Variants in CSMD1 observed in about 807,000 individuals in gnomAD.
The protein encoded by CSMD1 is CUB and sushi domain-containing protein 1.
CSMD1 carries 213 observed loss-of-function variants against 417.5 expected under a neutral mutation model. That is an observed-to-expected ratio of 0.51 (90% CI 0.46 to 0.57). The LOEUF (loss-of-function observed/expected upper bound fraction) is 0.57, where lower values mean the gene tolerates loss of function less well. Ranked by LOEUF, CSMD1 falls within the 20% of genes least tolerant of loss-of-function variation. CSMD1 has a pLI of 0.00. For missense variants in CSMD1, 6,923 were observed against 4,529.7 expected, an observed-to-expected ratio of 1.53 and a Z score of -15.17; for synonymous variants, 2,862 against 1,736.8, an observed-to-expected ratio of 1.65 and a Z score of -16.11.
In CSMD1 at chr8:3,307,677, C is replaced by G. The variant is rs764596134; in HGVS notation, c.3950+18G>C. 3.1e-6 allele frequency: 5 copies of G among 1,610,460 alleles called. No homozygotes were observed. In the East Asian group the frequency reaches 8.9e-5, roughly 29 times the overall value. On this transcript the variant is annotated intron_variant, in intron 25 of 69. Coordinates refer to ENST00000635120, the MANE Select transcript of CSMD1 (RefSeq NM_033225.6). ...TATCTCTTTTCTCAAATCACTGAAA[C>G]CAAAATAAAACAAGTACCTAATGGT... is the stretch of plus-strand genomic sequence containing the variant.
At chr8:4,686,825 A>G (rs1243868525) in intron 1 of CSMD1, among the ~76,000 whole-genome samples, 3 of 152,246 alleles carry the variant, frequency 2.0e-5, no homozygotes, top group Non-Finnish European at 4.4e-5. Context: ...GAAAGCCTCA[A>G]GATGCAATGA....
chr8:3,347,193 T>C (rs11994328), intron 22 of CSMD1, among the ~76,000 whole-genome samples: 134 of 152,352 alleles, frequency 8.8e-4, no homozygotes, highest in Middle Eastern at 3.4e-3. Context: ...TTGGACAAGA[T>C]AGTATTATAG....
chr8:4,826,112 G>A (rs969971580), intron 1 of CSMD1, among the ~76,000 whole-genome samples: 9 of 152,034 alleles, frequency 5.9e-5, no homozygotes, highest in Non-Finnish European at 1.3e-4. Context: ...ATTACCACAT[G>A]ATTCAGAAAT....
intron 48 of CSMD1, among the ~76,000 whole-genome samples, chr8:3,089,748 CTCTT>C (rs1295171239): frequency 2.1e-5 from 2 of 93,692 alleles, no homozygotes; most frequent in African/African-American, 8.1e-5. Flanking sequence ...CTATCTGCCT[CTCTT>C]TCTCTCTCTC....
chr8:4,414,762 A>G (rs1364052909), intron 3 of CSMD1, among the ~76,000 whole-genome samples: 1 of 152,198 alleles, frequency 6.6e-6, no homozygotes, highest in Non-Finnish European at 1.5e-5. Context: ...TTATCCAAAA[A>G]TATTTTTGAG....
At position 3,603,566 on chromosome 8, in the gene CSMD1, G is replaced by A. The variant is rs112400574; in HGVS notation, c.1097+13144C>T. 4.1e-3 allele frequency among the ~76,000 whole-genome samples: 625 copies of A among 152,260 alleles called. 6 individuals are homozygous for A. The highest frequency in any genetic ancestry group is 0.014 in the African/African-American group (593 of 41,566). ...GTTCAAGAAATAAGATCATGTTTGA[G>A]TTTCAAAAAATAAAAGACAGTTCTT... On this transcript the variant is annotated intron_variant, in intron 8 of 69. Coordinates refer to ENST00000635120, the MANE Select transcript of CSMD1 (RefSeq NM_033225.6).
intron 8 of CSMD1, among the ~76,000 whole-genome samples, chr8:3,604,160 G>T (rs556355957): frequency 6.6e-6 from 1 of 152,168 alleles, no homozygotes; most frequent in East Asian, 1.9e-4. Context: ...TTCTCTCTAC[G>T]GGGCTCAGAA....
At chr8:4,425,307 G>A (rs961489961) in intron 2 of CSMD1, among the ~76,000 whole-genome samples, 10 of 149,910 alleles carry the variant, frequency 6.7e-5, no homozygotes, top group East Asian at 2.0e-4. Flanking sequence ...ATGGACGTAT[G>A]TAGGGAAAAT....
intron 50 of CSMD1, among the ~76,000 whole-genome samples, chr8:3,046,219 G>A (rs554783939): frequency 1.2e-3 from 184 of 152,326 alleles, no homozygotes; most frequent in Non-Finnish European, 2.2e-3. Context: ...GTGAGGCAGC[G>A]GGGGTTTCAG....
intron 21 of CSMD1, 29 bp downstream of exon 21, chr8:3,359,123 G>C: frequency 6.2e-7 from 1 of 1,610,184 alleles, no homozygotes; most frequent in East Asian, 2.2e-5. Flanking sequence ...CCCCATGGAT[G>C]AATGAAATGA....
intron 5 of CSMD1, among the ~76,000 whole-genome samples, chr8:3,975,127 T>C (rs930714090): frequency 6.6e-6 from 1 of 152,230 alleles, no homozygotes; most frequent in African/African-American, 2.4e-5. Context: ...ACTATGCATG[T>C]TTCCATGGAA....
chr8:2,942,192 G>A (rs541867577), intron 69 of CSMD1, among the ~76,000 whole-genome samples: 2 of 152,040 alleles, frequency 1.3e-5, no homozygotes, highest in Non-Finnish European at 2.9e-5. Context: ...GAGGGAGGGA[G>A]AGCATCAAGA....
chr8:4,871,393 C>T (rs182888025), intron 1 of CSMD1, among the ~76,000 whole-genome samples: 38 of 152,148 alleles, frequency 2.5e-4, no homozygotes, highest in Admixed American at 2.2e-3. Context: ...TATTTTCAAC[C>T]TGAATACATT....
intron 2 of CSMD1, among the ~76,000 whole-genome samples, chr8:4,517,025 G>C (rs191735093): frequency 6.6e-6 from 1 of 152,112 alleles, no homozygotes; most frequent in Non-Finnish European, 1.5e-5. Context: ...TTTAAGATTT[G>C]GAAGACTAAT....
intron 5 of CSMD1, among the ~76,000 whole-genome samples, chr8:3,923,745 C>G (rs546991098): frequency 2.6e-5 from 4 of 152,106 alleles, no homozygotes; most frequent in African/African-American, 7.2e-5. Context: ...AAACTTTATA[C>G]CCTTTGACAA....
intron 2 of CSMD1, among the ~76,000 whole-genome samples, chr8:4,450,754 C>T (rs1168051283): frequency 6.6e-6 from 1 of 152,168 alleles, no homozygotes; most frequent in African/African-American, 2.4e-5. Flanking sequence ...AAACAGCGGT[C>T]TCTTCACAAA....
chr8:3,678,168 C>T (rs563434103), intron 7 of CSMD1, among the ~76,000 whole-genome samples: 7 of 152,188 alleles, frequency 4.6e-5, no homozygotes, highest in Admixed American at 6.5e-5. Flanking sequence ...TCACCAGCAA[C>T]AGAACAAAGC....
intron 5 of CSMD1, among the ~76,000 whole-genome samples, chr8:3,859,747 C>G (rs1804566752): frequency 6.6e-6 from 1 of 152,156 alleles, no homozygotes; most frequent in African/African-American, 2.4e-5. Flanking sequence ...GCAGTCTTCC[C>G]TGGCTGACAA....
chr8:4,110,277 T>G (rs750750613), intron 3 of CSMD1, among the ~76,000 whole-genome samples: 2 of 152,128 alleles, frequency 1.3e-5, no homozygotes, highest in Non-Finnish European at 2.9e-5. Flanking sequence ...TGATATACTG[T>G]GAGAAGCAAT....
Sources: allele counts gnomAD v4.1 joint callset (sites outside exome capture counted in the v4.1 genomes callset), GRCh38; gene constraint gnomAD v4.1.1; transcripts MANE v1.5; gene names NCBI Gene and HGNC (gene_info 2026-07-23, HGNC 2026-07-21).